C21orf91: variants seen among roughly 807,000 people sequenced by gnomAD.
The protein encoded by C21orf91 is protein EURL homolog.
In C21orf91, 26 loss-of-function variants were observed where a neutral mutation model predicts 32.9. The ratio of observed to expected loss-of-function variants is 0.79; its 90% CI spans 0.58 to 1.10. The LOEUF (loss-of-function observed/expected upper bound fraction) is 1.10. C21orf91 is among the 50% of genes least tolerant of loss of function. C21orf91 has a pLI of 0.00. For synonymous variants in C21orf91, 126 were observed against 120.4 expected, an observed-to-expected ratio of 1.05 and a Z score of -0.31; for missense variants, 310 against 341.3, an observed-to-expected ratio of 0.91 and a Z score of 0.72.
At chr21:17,805,726 A>G (rs2062589870) in intron 2 of C21orf91, among the ~76,000 whole-genome samples, 1 of 152,222 alleles carries the variant, frequency 6.6e-6, no homozygotes, top group Non-Finnish European at 1.5e-5. Context: ...TTTAATTAAC[A>G]TTATGTTACA....
intron 2 of C21orf91, among the ~76,000 whole-genome samples, chr21:17,800,005 T>TCTAATGGGCTATTAGTCTAAATTTAGA (rs1164947668): frequency 6.6e-6 from 1 of 152,194 alleles, no homozygotes; most frequent in South Asian, 2.1e-4. Context: ...CTATATTTAG[T>TCTAATGGGCTATTAGTCTAAATTTAGA]CTAATGGGCT....
At position 17,795,258 on chromosome 21, in the gene C21orf91, G is replaced by C. The variant is rs1429329917; in HGVS notation, c.677C>G (p.Thr226Ser). The change falls in exon 4 of 5, where the codon ACT becomes AGT. Residue 226 changes from threonine to serine, a missense_variant. Thr to Ser is a moderately conservative substitution (Grantham distance 58). Coordinates refer to ENST00000284881, the MANE Select transcript of C21orf91 (RefSeq NM_001100420.2). ...ATTCAGTTGCTCTACCTCACCAAGA[G>C]TCATCGAATTCACTGAAACATGAAA... Reference protein sequence around the residue: ...HYSREELNSMTLGEVEQLNAK... With the variant: ...HYSREELNSMSLGEVEQLNAK... 1 of 1,607,894 alleles carries C rather than the reference G, an allele frequency of 6.2e-7. No individual in the cohort carries two copies. Among genetic ancestry groups the C allele is most frequent in the Non-Finnish European group, 8.5e-7 (1 of 1,174,668 alleles).
In C21orf91 at chr21:17,792,939, A is replaced by G. The variant is rs1017265351; in HGVS notation, c.*476T>C. The G allele has an allele frequency of 7.6e-6, 1 of 132,130 alleles. No individual in the cohort carries two copies. The highest frequency in any genetic ancestry group is 3.2e-5 in the African/African-American group (1 of 31,044). 8.2% of individuals were successfully genotyped at this position (132,130 alleles called of 1,614,324 possible). The stretch of plus-strand genomic sequence containing the variant: ...ATGATAATGTAAATAAATATACAGA[A>G]CCACTCAAATACACATTTATAAAGA... On this transcript the variant is annotated 3_prime_UTR_variant, in exon 5 of 5. Transcript: ENST00000284881.
At chr21:17,805,789 A>G (rs2062590177) in intron 2 of C21orf91, among the ~76,000 whole-genome samples, 1 of 152,256 alleles carries the variant, frequency 6.6e-6, no homozygotes, top group South Asian at 2.1e-4. Context: ...TACTTGTTCC[A>G]TATTCCCCTA....
At chr21:17,795,077 TGGAAA>T in intron 4 of C21orf91, 126 bp downstream of exon 4, 1 of 699,548 alleles carries the variant, frequency 1.4e-6, no homozygotes, top group Admixed American at 2.2e-5. Context: ...CTTTTTGCTC[TGGAAA>T]CTCTAACAGG....
At chr21:17,814,116 T>C (rs968426244) in intron 2 of C21orf91, among the ~76,000 whole-genome samples, 1 of 152,180 alleles carries the variant, frequency 6.6e-6, no homozygotes, top group South Asian at 2.1e-4. Flanking sequence ...TGAAAACTGA[T>C]AGTATGAACC....
intron 2 of C21orf91, chr21:17,810,812 T>C (rs2062628021): frequency 1.3e-5 from 2 of 152,226 alleles, no homozygotes; most frequent in Non-Finnish European, 2.9e-5. Context: ...ATCTCTCTGA[T>C]TAACACCAAT....
chr21:17,791,594 T>C lies in C21orf91; in HGVS notation c.*1821A>G, dbSNP rs1290390991. ...ACTGGCTGGTAACAATCTTACTGAA[T>C]TACGCCAAAAAAGAGTAAAGTCAAA... On this transcript the variant is annotated 3_prime_UTR_variant, in exon 5 of 5. Coordinates refer to ENST00000284881, the MANE Select transcript of C21orf91 (RefSeq NM_001100420.2). The C allele has an allele frequency of 6.6e-6, 1 of 152,088 alleles. No individual in the cohort carries two copies. The highest frequency in any genetic ancestry group is 2.4e-5 in the African/African-American group (1 of 41,440). 9.4% of individuals were successfully genotyped at this position (152,088 alleles called of 1,614,324 possible). A position where few individuals can be genotyped will look rare whatever the true frequency, so the allele number is the denominator to read the frequency against.
At chr21:17,804,054 G>C (rs1013222430) in intron 2 of C21orf91, among the ~76,000 whole-genome samples, 13 of 152,118 alleles carry the variant, frequency 8.5e-5, no homozygotes, top group African/African-American at 2.7e-4. Context: ...TCCATGTCCG[G>C]TCACCTGTAC....
chr21:17,798,500 G>A (rs896023374), intron 2 of C21orf91, among the ~76,000 whole-genome samples: 22 of 152,122 alleles, frequency 1.4e-4, no homozygotes, highest in Non-Finnish European at 2.1e-4. Context: ...CTCTCATGAG[G>A]TAAACTCAAA....
intron 3 of C21orf91, among the ~76,000 whole-genome samples, chr21:17,795,660 A>G (rs2062511943): frequency 6.6e-6 from 1 of 151,894 alleles, no homozygotes; most frequent in Non-Finnish European, 1.5e-5. Context: ...TTTTGTAGAG[A>G]TGGGGTCTCC....
In C21orf91 at chr21:17,804,316, G is replaced by A. The variant is rs1432097429; in HGVS notation, c.128-7198C>T. Reference sequence around the variant, plus strand: ...AGTGGGAAGGCAAGGATGAATAGTTGGAGTATCTACTTCCCACAAAAGGAC... The same window carrying A: ...AGTGGGAAGGCAAGGATGAATAGTTAGAGTATCTACTTCCCACAAAAGGAC... On this transcript the variant is annotated intron_variant, in intron 2 of 4. Coordinates refer to ENST00000284881, the MANE Select transcript of C21orf91 (RefSeq NM_001100420.2). 2.0e-5 allele frequency among the ~76,000 whole-genome samples: 3 copies of A among 152,334 alleles called. No individual in the cohort carries two copies. In the East Asian group the frequency reaches 5.8e-4, roughly 29 times the overall value.
chr21:17,791,785 T>TA lies in C21orf91; in HGVS notation c.*1629dup, dbSNP rs1420555381. 2.0e-5 allele frequency: 3 copies of TA among 152,164 alleles called. No homozygotes were observed. Among genetic ancestry groups the TA allele is most frequent in the East Asian group, 3.8e-4 (2 of 5,202 alleles). 9.4% of individuals were successfully genotyped at this position (152,164 alleles called of 1,614,324 possible). ...GATTTTAAATTCATTTTGCATGACT[T>TA]AAAGAATTGAGAGAAATCGAAAGCA... On this transcript the variant is annotated 3_prime_UTR_variant, in exon 5 of 5. Transcript: ENST00000284881.
chr21:17,797,274 T>C (rs1001384921), intron 2 of C21orf91, among the ~76,000 whole-genome samples, 156 bp from the exon 3 acceptor site: 1 of 152,186 alleles, frequency 6.6e-6, no homozygotes, highest in Non-Finnish European at 1.5e-5. Flanking sequence ...CAATGTGGCC[T>C]AATAATTTCT....
intron 2 of C21orf91, among the ~76,000 whole-genome samples, chr21:17,807,401 G>T (rs1299197051): frequency 6.6e-6 from 1 of 152,164 alleles, no homozygotes. Flanking sequence ...ACAGCCTGTG[G>T]AACTGTGACC....
intron 2 of C21orf91, among the ~76,000 whole-genome samples, chr21:17,811,111 G>C (rs2062629715): frequency 6.6e-6 from 1 of 152,064 alleles, no homozygotes; most frequent in Non-Finnish European, 1.5e-5. Context: ...AAGAGTCCAT[G>C]TCATTTTCTT....
chr21:17,799,253 T>C (rs747301798), intron 2 of C21orf91, among the ~76,000 whole-genome samples: 4 of 152,190 alleles, frequency 2.6e-5, no homozygotes, highest in Non-Finnish European at 4.4e-5. Flanking sequence ...TAGATATCTA[T>C]TTGAAGAATA....
intron 2 of C21orf91, among the ~76,000 whole-genome samples, chr21:17,809,804 T>C (rs1268971808): frequency 2.6e-5 from 4 of 152,164 alleles, no homozygotes; most frequent in Non-Finnish European, 5.9e-5. Context: ...TTAGTATTTA[T>C]TGAAGGAATA....
intron 2 of C21orf91, among the ~76,000 whole-genome samples, chr21:17,797,930 T>C (rs1379158174): frequency 1.3e-5 from 2 of 152,014 alleles, no homozygotes; most frequent in African/African-American, 4.8e-5. Flanking sequence ...ATAAAAATTA[T>C]AAAAATATAA....
Sources: allele counts gnomAD v4.1 joint callset (sites outside exome capture counted in the v4.1 genomes callset), GRCh38; gene constraint gnomAD v4.1.1; transcripts MANE v1.5; gene names NCBI Gene and HGNC (gene_info 2026-07-23, HGNC 2026-07-21).